PDLIM5: variants seen among roughly 807,000 people sequenced by gnomAD.
PDLIM5 encodes PDZ and LIM domain 5.
Under a neutral mutation model 64.2 loss-of-function variants are expected in PDLIM5, and 34 were observed. The observed-to-expected ratio is 0.53, with a 90% CI of 0.40 to 0.71. PDLIM5 has a LOEUF of 0.71. Ranked by LOEUF, PDLIM5 falls within the 30% of genes least tolerant of loss-of-function variation. PDLIM5 has a pLI of 0.00. For missense variants in PDLIM5, 683 were observed against 733.6 expected, an observed-to-expected ratio of 0.93 and a Z score of 0.80; for synonymous variants, 253 against 269.1, an observed-to-expected ratio of 0.94 and a Z score of 0.59.
At chr4:94,610,205 T>G (rs1427194744) in intron 7 of PDLIM5, 5 of 1,523,830 alleles carry the variant, frequency 3.3e-6, no homozygotes, top group Non-Finnish European at 3.5e-6. Flanking sequence ...TTCGAAGGTT[T>G]TCGAAACTTT....
chr4:94,488,888 T>C (rs1726596313), intron 2 of PDLIM5: 1 of 152,262 alleles, frequency 6.6e-6, no homozygotes, highest in Non-Finnish European at 1.5e-5. Context: ...GTAAAGGATC[T>C]GCCTTACAGG....
At chr4:94,479,391 A>G (rs1375005974) in intron 2 of PDLIM5, among the ~76,000 whole-genome samples, 3 of 151,250 alleles carry the variant, frequency 2.0e-5, no homozygotes, top group Non-Finnish European at 4.4e-5. Context: ...CAGTGGCACA[A>G]TCGTGGCTCA....
chr4:94,577,581 C>CTT (rs11349007), intron 5 of PDLIM5, among the ~76,000 whole-genome samples: 1,581 of 106,792 alleles, frequency 0.015, 23 homozygotes, highest in Admixed American at 0.069. Flanking sequence ...TGGTCGTAAT[C>CTT]TTTTTTTTTT....
In PDLIM5 at chr4:94,580,149, C is replaced by T. The variant is rs138102502; in HGVS notation, c.710+4115C>T. Among the ~76,000 whole-genome samples the T allele has an allele frequency of 5.9e-3, 899 of 152,200 alleles. 8 individuals are homozygous for T. Among genetic ancestry groups the T allele is most frequent in the Non-Finnish European group, 9.7e-3 (660 of 67,984 alleles). ...AACTTTCAAACCTCACTTTTGTGTTCCATTGGTATTGACACTACACTGGCT... is the reference window on the plus strand; with the variant it reads ...AACTTTCAAACCTCACTTTTGTGTTTCATTGGTATTGACACTACACTGGCT... On this transcript the variant is annotated intron_variant, in intron 5 of 12. Coordinates refer to ENST00000317968, the MANE Select transcript of PDLIM5 (RefSeq NM_006457.5).
At chr4:94,577,128 A>G (rs1656466173) in intron 5 of PDLIM5, 1 of 443,566 alleles carries the variant, frequency 2.3e-6, no homozygotes, top group South Asian at 1.6e-5. Flanking sequence ...AATCATTTTT[A>G]TCAGATTTAT....
intron 2 of PDLIM5, 126 bp from the exon 3 acceptor site, chr4:94,523,598 A>C (rs1560675733): frequency 9.3e-6 from 5 of 539,650 alleles, no homozygotes; most frequent in African/African-American, 1.9e-5. Context: ...ATGTTAAACA[A>C]GACAGTTTTA....
At chr4:94,658,876 A>C (rs1742426202) in intron 11 of PDLIM5, among the ~76,000 whole-genome samples, 1 of 152,194 alleles carries the variant, frequency 6.6e-6, no homozygotes, top group African/African-American at 2.4e-5. Context: ...AATTTTTCTG[A>C]AGAAAGGGCT....
At chr4:94,606,486 G>A (rs950000437) in intron 7 of PDLIM5, among the ~76,000 whole-genome samples, 3 of 152,172 alleles carry the variant, frequency 2.0e-5, no homozygotes, top group Non-Finnish European at 2.9e-5. Context: ...GCAGAGGCCA[G>A]GAGGGGGATA....
At chr4:94,468,145 T>C (rs2126088479) in intron 2 of PDLIM5, among the ~76,000 whole-genome samples, 1 of 152,204 alleles carries the variant, frequency 6.6e-6, no homozygotes, top group East Asian at 1.9e-4. Context: ...AACTTTCACT[T>C]TTTTCCCTCT....
chr4:94,616,685 GT>G (rs1738812396), intron 7 of PDLIM5, among the ~76,000 whole-genome samples: 1 of 152,130 alleles, frequency 6.6e-6, no homozygotes, highest in African/African-American at 2.4e-5. Flanking sequence ...TGTATAGCGT[GT>G]TTTATCATCA....
rs61675663 is a variant in PDLIM5 at position 94,494,432 on chromosome 4, GTTTTT to G, written c.97-29272_97-29268del. 9.0e-3 allele frequency among the ~76,000 whole-genome samples: 639 copies of G among 70,790 alleles called. 8 individuals carry two copies. Among genetic ancestry groups the G allele is most frequent in the Middle Eastern group, 0.049 (4 of 82 alleles). The allele number at this position is 70,790 out of a possible 152,430, so 46.4% of individuals were successfully genotyped here. A position where few individuals can be genotyped will look rare whatever the true frequency, so the allele number is the denominator to read the frequency against. ...AGCATTCACTAATTTTTTTTTTCTT[GTTTTT>G]TTTTTTTTTTTTTTTTTTTGAGACG... On this transcript the variant is annotated intron_variant, in intron 2 of 12. Coordinates refer to ENST00000317968, the MANE Select transcript of PDLIM5 (RefSeq NM_006457.5).
intron 2 of PDLIM5, among the ~76,000 whole-genome samples, chr4:94,501,195 C>T (rs1364200535): frequency 2.6e-5 from 4 of 151,998 alleles, no homozygotes; most frequent in African/African-American, 9.7e-5. Context: ...ACCTCAGCCT[C>T]CTGAGTAGCT....
chr4:94,541,181 A>G (rs1476095978), intron 3 of PDLIM5, among the ~76,000 whole-genome samples: 2 of 152,148 alleles, frequency 1.3e-5, no homozygotes, highest in African/African-American at 4.8e-5. Flanking sequence ...GATACTTAGT[A>G]TCTCCTAACA....
At chr4:94,510,685 G>T (rs866375119) in intron 2 of PDLIM5, among the ~76,000 whole-genome samples, 1 of 151,978 alleles carries the variant, frequency 6.6e-6, no homozygotes, top group Non-Finnish European at 1.5e-5. Flanking sequence ...CTAATCTCAA[G>T]AATTCTCTCA....
chr4:94,582,022 G>C (rs1385282130), intron 5 of PDLIM5, among the ~76,000 whole-genome samples: 1 of 152,146 alleles, frequency 6.6e-6, no homozygotes, highest in Non-Finnish European at 1.5e-5. Flanking sequence ...ATTAATGAGG[G>C]ACAGGAGAGA....
At chr4:94,486,483 C>G (rs540117769) in intron 2 of PDLIM5, among the ~76,000 whole-genome samples, 1 of 152,222 alleles carries the variant, frequency 6.6e-6, no homozygotes, top group Non-Finnish European at 1.5e-5. Flanking sequence ...ACTTTTCATC[C>G]CCTTTTTTCT....
intron 11 of PDLIM5, among the ~76,000 whole-genome samples, chr4:94,661,456 C>T (rs1401062513): frequency 6.6e-6 from 1 of 152,112 alleles, no homozygotes; most frequent in African/African-American, 2.4e-5. Flanking sequence ...CTCAAAACTG[C>T]TTTTGTCAGA....
chr4:94,551,323 AG>A (rs1732788180), intron 3 of PDLIM5, among the ~76,000 whole-genome samples: 1 of 152,176 alleles, frequency 6.6e-6, no homozygotes. Context: ...AAAAATTAGT[AG>A]TCTGAAACTA....
rs537894995 is a variant in PDLIM5 at position 94,494,691 on chromosome 4, C to T, written c.97-29033C>T. ...CTGACCTCAAGTGATCCACCTGCTT[C>T]GGCCTCCCAAAGTGCTGGGATTACA... is the stretch of plus-strand genomic sequence containing the variant. On this transcript the variant is annotated intron_variant, in intron 2 of 12. Coordinates refer to ENST00000317968, the MANE Select transcript of PDLIM5 (RefSeq NM_006457.5). Among the ~76,000 whole-genome samples the T allele has an allele frequency of 2.1e-3, 321 of 151,638 alleles. 2 individuals are homozygous for T. The highest frequency in any genetic ancestry group is 6.9e-3 in the African/African-American group (285 of 41,338).
Sources: gnomAD v4.1 joint callset for allele counts (sites outside exome capture counted in the v4.1 genomes callset) on GRCh38, gnomAD v4.1.1 for gene constraint, MANE v1.5 for transcripts, NCBI Gene and HGNC (gene_info 2026-07-23, HGNC 2026-07-21) for gene names.